Variants in ARHGEF3 observed in about 807,000 individuals in gnomAD.
ARHGEF3 encodes the protein Rho guanine nucleotide exchange factor 3, also known as 59.8 kDA protein.
ARHGEF3 carries 28 observed loss-of-function variants against 63.2 expected under a neutral mutation model. The ratio of observed to expected loss-of-function variants is 0.44; its 90% CI spans 0.33 to 0.61. The LOEUF (loss-of-function observed/expected upper bound fraction) is 0.61, where lower values mean the gene tolerates loss of function less well. ARHGEF3 is among the 20% of genes least tolerant of loss of function. The pLI is 0.03. For synonymous variants in ARHGEF3, 266 were observed against 254.2 expected (o/e 1.05, Z -0.44); for missense variants, 533 against 659.3 (o/e 0.81, Z 2.10).
chr3:56,943,738 A>T (rs1005849835), intron 3 of ARHGEF3, among the ~76,000 whole-genome samples: 2 of 152,078 alleles, frequency 1.3e-5, no homozygotes, highest in African/African-American at 4.8e-5. Flanking sequence ...AACACGATAA[A>T]ACCCCATCTC....
intron 1 of ARHGEF3, among the ~76,000 whole-genome samples, chr3:56,798,548 T>A (rs890142321): frequency 6.6e-6 from 1 of 151,904 alleles, no homozygotes; most frequent in Non-Finnish European, 1.5e-5. Context: ...TTTTTTTTTT[T>A]TTTTTTTTTT....
intron 1 of ARHGEF3, among the ~76,000 whole-genome samples, chr3:56,796,385 A>G (rs1327800746): frequency 5.9e-5 from 9 of 152,340 alleles, no homozygotes; most frequent in Non-Finnish European, 1.2e-4. Context: ...TGTGGTTAAT[A>G]TAGATAAGCA....
intron 2 of ARHGEF3, among the ~76,000 whole-genome samples, chr3:56,976,476 A>T (rs1460240426): frequency 6.6e-6 from 1 of 152,224 alleles, no homozygotes; most frequent in East Asian, 1.9e-4. Flanking sequence ...GAAAGTCTTT[A>T]TATTTTATTC....
intron 9 of ARHGEF3, among the ~76,000 whole-genome samples, chr3:56,730,014 T>C (rs182275977): frequency 1.1e-4 from 17 of 152,248 alleles, no homozygotes; most frequent in Non-Finnish European, 4.4e-5. Context: ...GAGTCTAGGA[T>C]TTTGAGATCA....
At chr3:56,895,459 T>C (rs1201994728) in intron 3 of ARHGEF3, among the ~76,000 whole-genome samples, 3 of 94,790 alleles carry the variant, frequency 3.2e-5, no homozygotes, top group Non-Finnish European at 6.3e-5. Context: ...TGTTCTTATT[T>C]ATTTATTTAT....
rs1467784109 is a variant in ARHGEF3, at chr3:56,756,829, A to G, written c.205-1678T>C. Among the ~76,000 whole-genome samples, 9 of 152,238 alleles carry G rather than the reference A, an allele frequency of 5.9e-5. No individual in the cohort carries two copies. In the East Asian group the frequency reaches 9.7e-4, roughly 16 times the overall value. On this transcript the variant is annotated intron_variant, in intron 2 of 9. Coordinates refer to ENST00000296315, the MANE Select transcript of ARHGEF3 (RefSeq NM_019555.3). ...CTCCCGAAGTGCTGGAATTACAGGC[A>G]TGAGCCACTGTGTCCGGCCATAGCT...
chr3:56,975,427 T>A (rs912140671), intron 2 of ARHGEF3, among the ~76,000 whole-genome samples: 11 of 151,692 alleles, frequency 7.3e-5, no homozygotes, highest in African/African-American at 2.7e-4. Context: ...CAAAAAATAA[T>A]AATAATAATA....
intron 4 of ARHGEF3, among the ~76,000 whole-genome samples, chr3:56,855,468 G>C (rs113079656): frequency 0.034 from 5,242 of 152,064 alleles, 306 homozygotes; most frequent in African/African-American, 0.12. Flanking sequence ...CAGATCACTT[G>C]AGGTCAGGAG....
intron 1 of ARHGEF3, among the ~76,000 whole-genome samples, chr3:57,078,348 C>T (rs1345956944): frequency 6.6e-6 from 1 of 152,248 alleles, no homozygotes; most frequent in East Asian, 1.9e-4. Flanking sequence ...CGCGTCCTCG[C>T]CCAGTGCGGG....
At chr3:56,790,728 T>C (rs1411706204) in intron 1 of ARHGEF3, among the ~76,000 whole-genome samples, 1 of 152,192 alleles carries the variant, frequency 6.6e-6, no homozygotes, top group Non-Finnish European at 1.5e-5. Flanking sequence ...GAGCTTGCCC[T>C]GGCCTTGGGT....
chr3:56,982,336 A>G (rs546540423), intron 2 of ARHGEF3, among the ~76,000 whole-genome samples: 3 of 152,288 alleles, frequency 2.0e-5, no homozygotes, highest in African/African-American at 7.2e-5. Context: ...TTCTTTGCAA[A>G]AGTTCATTAA....
intron 4 of ARHGEF3, among the ~76,000 whole-genome samples, chr3:56,814,373 T>C (rs2038185896): frequency 6.6e-6 from 1 of 152,202 alleles, no homozygotes; most frequent in African/African-American, 2.4e-5. Context: ...CAATTCTTCT[T>C]CCACTGTGGC....
intron 2 of ARHGEF3, among the ~76,000 whole-genome samples, chr3:56,967,936 AATATATT>A (rs1193031990): frequency 1.5e-5 from 1 of 66,330 alleles, no homozygotes; most frequent in Non-Finnish European, 2.5e-5. Flanking sequence ...TATAATATAA[AATATATT>A]ATATATTATA....
At chr3:56,923,056 ATATATATATATATAT>A (rs1560053814) in intron 3 of ARHGEF3, among the ~76,000 whole-genome samples, 1,282 of 18,284 alleles carry the variant, frequency 0.07, 40 homozygotes, top group African/African-American at 0.12. Context: ...ATATATATAT[ATATATATATATATAT>A]ATATAAATTA....
chr3:56,896,357 C>T (rs1488830459), intron 3 of ARHGEF3, among the ~76,000 whole-genome samples: 1 of 152,114 alleles, frequency 6.6e-6, no homozygotes, highest in East Asian at 1.9e-4. Context: ...CATTATGTCC[C>T]TTTAGACCCT....
chr3:56,754,858 T>C, intron 3 of ARHGEF3, 123 bp downstream of exon 3: 1 of 1,331,032 alleles, frequency 7.5e-7, no homozygotes, highest in Non-Finnish European at 1.0e-6. Context: ...ACACTCTTGT[T>C]TATCCTTCTG....
At chr3:56,764,518 AC>A (rs1178218828) in intron 2 of ARHGEF3, among the ~76,000 whole-genome samples, 1 of 152,010 alleles carries the variant, frequency 6.6e-6, no homozygotes, top group Non-Finnish European at 1.5e-5. Flanking sequence ...CACTCTGAAC[AC>A]CCTACGGAAT....
intron 4 of ARHGEF3, among the ~76,000 whole-genome samples, chr3:56,830,246 G>A (rs1055979329): frequency 6.6e-6 from 1 of 152,146 alleles, no homozygotes; most frequent in Non-Finnish European, 1.5e-5. Context: ...CTGGAGTGAT[G>A]GTGGAGGTGG....
intron 2 of ARHGEF3, among the ~76,000 whole-genome samples, chr3:56,764,971 G>T (rs573702691): frequency 6.6e-6 from 1 of 152,064 alleles, no homozygotes; most frequent in Non-Finnish European, 1.5e-5. Flanking sequence ...TGCCCAGACT[G>T]GTCTTGAACT....
Sources: allele counts gnomAD v4.1 joint callset (sites outside exome capture counted in the v4.1 genomes callset), GRCh38; gene constraint gnomAD v4.1.1; transcripts MANE v1.5; gene names NCBI Gene and HGNC (gene_info 2026-07-23, HGNC 2026-07-21).